The following LIPH variants were observed in gnomAD, a reference collection of about 807,000 sequenced individuals.
The protein encoded by LIPH is lipase member H.
In LIPH, 32 loss-of-function variants were observed where a neutral mutation model predicts 47.6. The ratio of observed to expected loss-of-function variants is 0.67; its 90% CI spans 0.51 to 0.90. LIPH has a LOEUF of 0.90. Among genes scored for constraint, LIPH ranks in the 40% least tolerant of loss-of-function variants. LIPH has a pLI of 0.00. For synonymous variants in LIPH, 190 were observed against 195.6 expected, an observed-to-expected ratio of 0.97 and a Z score of 0.24; for missense variants, 497 against 541.4, an observed-to-expected ratio of 0.92 and a Z score of 0.81.
In LIPH at chr3:185,519,231, G is replaced by T. The variant is rs1474901389; in HGVS notation, c.797C>A (p.Thr266Asn). 2 of 1,612,648 alleles carry T rather than the reference G, an allele frequency of 1.2e-6. No individual in the cohort carries two copies. The highest frequency in any genetic ancestry group is 1.7e-6 in the Non-Finnish European group (2 of 1,178,664). Residue 266 changes from threonine (T) to asparagine (N), a missense_variant, in exon 6 of 10, where the codon ACT (threonine) becomes AAT (asparagine). Physicochemically the swap from Thr to Asn is moderately conservative, Grantham distance 65 (BLOSUM62 0). Coordinates refer to ENST00000296252, the MANE Select transcript of LIPH (RefSeq NM_139248.3). ...LSSLRESCTI[T>N]AYPCDSYQDY... is the part of the protein sequence containing the mutation. ...CTGGTAGGAGTCACAGGGATACGCA[G>T]TGATGGTGCAGCTCTCTCTCAGGGA... is the stretch of plus-strand genomic sequence containing the variant.
chr3:185,519,759 C>T (rs1226794872), intron 5 of LIPH, among the ~76,000 whole-genome samples: 1 of 127,860 alleles, frequency 7.8e-6, no homozygotes, highest in East Asian at 2.6e-4. Context: ...ATCGCTTGAA[C>T]CTGGGAGGCG....
Position 185,508,151 on chromosome 3 carries a change from C to G in LIPH, c.*639G>C, listed in dbSNP as rs2148944046. On this transcript the variant is annotated 3_prime_UTR_variant, in exon 10 of 10. Transcript: ENST00000296252. The stretch of plus-strand genomic sequence containing the variant: ...AGAGGGCCAGCACGTGGCTTTCTTG[C>G]CTTCCCTGAGCAAACAGCCCGAGAG... 6.5e-6 allele frequency: 1 copy of G among 153,778 alleles called. No homozygotes were observed. The highest frequency in any genetic ancestry group is 1.9e-4 in the East Asian group (1 of 5,228). 9.5% of individuals were successfully genotyped at this position (153,778 alleles called of 1,614,324 possible). A position where few individuals can be genotyped will look rare whatever the true frequency, so the allele number is the denominator to read the frequency against.
At chr3:185,551,804 T>C (rs76726875) in intron 1 of LIPH, among the ~76,000 whole-genome samples, 7,300 of 152,214 alleles carry the variant, frequency 0.048, 287 homozygotes, top group East Asian at 0.24. Flanking sequence ...TGCAAAGTGT[T>C]GAATTTTATT....
intron 1 of LIPH, among the ~76,000 whole-genome samples, chr3:185,538,912 TATATACAC>T (rs1182667818): frequency 2.7e-5 from 4 of 145,752 alleles, no homozygotes; most frequent in East Asian, 3.9e-4. Context: ...CATATACACA[TATATACAC>T]ATATACACAT....
intron 1 of LIPH, among the ~76,000 whole-genome samples, chr3:185,549,790 G>C (rs1720996755): frequency 1.3e-5 from 2 of 152,084 alleles, no homozygotes; most frequent in Admixed American, 1.3e-4. Flanking sequence ...CAACTCCTGG[G>C]CTCAAGCGAT....
At chr3:185,509,690 A>G (rs926311124) in intron 9 of LIPH, among the ~76,000 whole-genome samples, 3 of 152,198 alleles carry the variant, frequency 2.0e-5, no homozygotes, top group African/African-American at 7.2e-5. Flanking sequence ...TTTAAAAACA[A>G]TAAAAGAAAG....
chr3:185,523,112 C>G (rs1719958455), intron 5 of LIPH, among the ~76,000 whole-genome samples: 2 of 152,092 alleles, frequency 1.3e-5, no homozygotes, highest in Non-Finnish European at 2.9e-5. Context: ...TTCAAAAGCT[C>G]TAATTATTAT....
chr3:185,535,159 C>T (rs369350578), intron 1 of LIPH, 27 bp from the exon 2 acceptor site: 59 of 1,611,946 alleles, frequency 3.7e-5, no homozygotes, highest in Middle Eastern at 3.3e-4. Context: ...GATGGCATCA[C>T]GACAGGTCTT....
Position 185,552,100 on chromosome 3 carries a change from G to C in LIPH, c.49+323C>G, listed in dbSNP as rs2148968867. On this transcript the variant is annotated intron_variant, in intron 1 of 9. Transcript: ENST00000296252. ...AGAACTAGAAAGGCACAGATAAATAGGCTAAGAAAGAAAATAAGACTTCTA... is the reference window on the plus strand; with the variant it reads ...AGAACTAGAAAGGCACAGATAAATACGCTAAGAAAGAAAATAAGACTTCTA... Among the ~76,000 whole-genome samples the C allele has an allele frequency of 1.3e-5, 2 of 151,964 alleles. 1 individual carries two copies. The highest frequency in any genetic ancestry group is 4.1e-4 in the South Asian group (2 of 4,820).
At chr3:185,525,178 T>C (rs1720030112) in intron 4 of LIPH, among the ~76,000 whole-genome samples, 2 of 152,048 alleles carry the variant, frequency 1.3e-5, no homozygotes, top group Admixed American at 1.3e-4. Flanking sequence ...CGCGACTGCA[T>C]TCCAGCCTGG....
rs367651367 is a variant in LIPH at position 185,534,939 on chromosome 3, T to A, written c.243A>T (p.Thr81=). 1 of 1,614,062 alleles carries A rather than the reference T, an allele frequency of 6.2e-7. No homozygotes were observed. The highest frequency in any genetic ancestry group is 1.3e-5 in the African/African-American group (1 of 74,938). ...CATCCATCCAAACAGGAGGGGAGCCTGTTGGCCTGAATCCATGGACAATGA... is the reference window on the plus strand; with the variant it reads ...CATCCATCCAAACAGGAGGGGAGCCAGTTGGCCTGAATCCATGGACAATGA... ...TTFIVHGFRP[T]GSPPVWMDDL... Residue 81 remains threonine (T), a synonymous_variant, in exon 2 of 10, where the codon ACA becomes ACT. Transcript: ENST00000296252.
intron 5 of LIPH, among the ~76,000 whole-genome samples, chr3:185,521,372 TA>T (rs1719895714): frequency 6.6e-6 from 1 of 152,190 alleles, no homozygotes; most frequent in South Asian, 2.1e-4. Context: ...GATGAATGAA[TA>T]AATGCAACCT....
intron 5 of LIPH, among the ~76,000 whole-genome samples, chr3:185,520,214 ATCGT>A (rs1304707431): frequency 6.6e-6 from 1 of 152,062 alleles, no homozygotes; most frequent in Non-Finnish European, 1.5e-5. Flanking sequence ...AATTACCAAA[ATCGT>A]TATCATAAAA....
intron 7 of LIPH, among the ~76,000 whole-genome samples, chr3:185,516,822 C>G (rs376388397): frequency 6.6e-6 from 1 of 152,142 alleles, no homozygotes; most frequent in Non-Finnish European, 1.5e-5. Context: ...CCTAATATCC[C>G]AGAATACAGG....
At chr3:185,552,353 C>A (rs1721075360) in intron 1 of LIPH, 70 bp downstream of exon 1, 4 of 1,051,112 alleles carry the variant, frequency 3.8e-6, no homozygotes, top group Non-Finnish European at 4.5e-6. Context: ...GGAATGATGA[C>A]ATGCAAAATG....
At chr3:185,521,688 T>C (rs1331669344) in intron 5 of LIPH, among the ~76,000 whole-genome samples, 1 of 152,224 alleles carries the variant, frequency 6.6e-6, no homozygotes, top group Non-Finnish European at 1.5e-5. Flanking sequence ...AAAATGCTAG[T>C]AAGTTCCAAA....
chr3:185,544,952 T>C lies in LIPH; in HGVS notation c.49+7471A>G, dbSNP rs760487855. On this transcript the variant is annotated intron_variant, in intron 1 of 9. Coordinates refer to ENST00000296252, the MANE Select transcript of LIPH (RefSeq NM_139248.3). ...GCCTCATTCTTTAAATATTCATTTC[T>C]GTTGGTATTTCTAAAGGCATCAGAT... is the stretch of plus-strand genomic sequence containing the variant. Among the ~76,000 whole-genome samples, 27 of 152,136 alleles carry C rather than the reference T, an allele frequency of 1.8e-4. 1 individual carries two copies. Among genetic ancestry groups the C allele is most frequent in the Non-Finnish European group, 3.8e-4 (26 of 68,040 alleles).
At chr3:185,550,410 G>A (rs974882365) in intron 1 of LIPH, among the ~76,000 whole-genome samples, 2 of 152,154 alleles carry the variant, frequency 1.3e-5, no homozygotes, top group Admixed American at 6.5e-5. Flanking sequence ...CTGAGAAGAT[G>A]CTAAGGAAAA....
intron 7 of LIPH, among the ~76,000 whole-genome samples, chr3:185,515,470 C>T (rs1230893344): frequency 1.3e-5 from 2 of 151,984 alleles, no homozygotes; most frequent in East Asian, 1.9e-4. Context: ...TCCTGGGCTG[C>T]CACACATGGC....
Sources: gnomAD v4.1 joint callset for allele counts (sites outside exome capture counted in the v4.1 genomes callset) on GRCh38, gnomAD v4.1.1 for gene constraint, MANE v1.5 for transcripts, NCBI Gene and HGNC (gene_info 2026-07-23, HGNC 2026-07-21) for gene names.